The following RUNDC3A variants were observed in gnomAD, a reference collection of about 807,000 sequenced individuals.
RUNDC3A encodes RUN domain-containing protein 3A.
Under a neutral mutation model 53.9 loss-of-function variants are expected in RUNDC3A, and 28 were observed. That is an observed-to-expected ratio of 0.52 (90% CI 0.38 to 0.71). RUNDC3A has a LOEUF of 0.71. Ranked by LOEUF, RUNDC3A falls within the 30% of genes least tolerant of loss-of-function variation. The pLI is 0.00. For synonymous variants in RUNDC3A, 232 were observed against 249.4 expected (o/e 0.93, Z 0.66); for missense variants, 491 against 597.3 (o/e 0.82, Z 1.85).
In RUNDC3A at chr17:44,308,898, C is replaced by T; in HGVS notation, c.66C>T (p.Arg22=). 6.2e-7 allele frequency: 1 copy of T among 1,610,846 alleles called. No individual in the cohort carries two copies. The highest frequency in any genetic ancestry group is 8.5e-7 in the Non-Finnish European group (1 of 1,178,388). ...TGTCCTCCAAGAAAGCGTCCTCTCGCAACGTGGCTGTGGAGCGTAAGAACC... is the reference window on the plus strand; with the variant it reads ...TGTCCTCCAAGAAAGCGTCCTCTCGTAACGTGGCTGTGGAGCGTAAGAACC... ...LGLSSKKASS[R]NVAVERKNLI... is the part of the protein sequence containing the mutation. The change falls in exon 1 of 11, where the codon CGC becomes CGT. Residue 22 remains arginine (R), a synonymous_variant. Coordinates refer to ENST00000426726, the MANE Select transcript of RUNDC3A (RefSeq NM_001144825.2).
At chr17:44,314,585 G>C (rs2047814636) in intron 4 of RUNDC3A, 150 bp from the exon 5 acceptor site, 1 of 1,451,124 alleles carries the variant, frequency 6.9e-7, no homozygotes, top group African/African-American at 1.4e-5. Context: ...GGCTGAAGGG[G>C]GAGAGAGGCT....
intron 8 of RUNDC3A, among the ~76,000 whole-genome samples, chr17:44,316,168 C>T (rs755696558): frequency 1.3e-5 from 2 of 152,078 alleles, no homozygotes; most frequent in Non-Finnish European, 2.9e-5. Context: ...CTGCACCATT[C>T]CCTCCAACTC....
At chr17:44,312,789 C>A in intron 2 of RUNDC3A, 94 bp downstream of exon 2, 1 of 622,590 alleles carries the variant, frequency 1.6e-6, no homozygotes, top group South Asian at 1.9e-5. Context: ...GGTCCCTCCC[C>A]AACTCCCAAC....
chr17:44,309,953 C>G (rs979229537), intron 1 of RUNDC3A: 11 of 152,874 alleles, frequency 7.2e-5, no homozygotes, highest in African/African-American at 2.7e-4. Flanking sequence ...GGCACGCACT[C>G]CACCACACTG....
At chr17:44,313,678 C>CTT (rs1173378367) in intron 4 of RUNDC3A, 175 bp downstream of exon 4, 10,114 of 1,061,566 alleles carry the variant, frequency 9.5e-3, no homozygotes, top group South Asian at 0.015. Context: ...AGGACGAACT[C>CTT]TTTTTTTTTT....
chr17:44,318,606 G>T lies in RUNDC3A; in HGVS notation c.*368G>T. 1 of 220,748 alleles carries T rather than the reference G, an allele frequency of 4.5e-6. No homozygotes were observed. The highest frequency in any genetic ancestry group is 9.1e-6 in the Non-Finnish European group (1 of 109,560). The allele number at this position is 220,748 out of a possible 1,614,324, so 13.7% of individuals were successfully genotyped here. On this transcript the variant is annotated 3_prime_UTR_variant, in exon 11 of 11. Coordinates refer to ENST00000426726, the MANE Select transcript of RUNDC3A (RefSeq NM_001144825.2). ...CTAGCCTCTCCATCTGTCTGTGTAT[G>T]GCCTGGAGTCACTCCTTCCTCAGCC... is the stretch of plus-strand genomic sequence containing the variant.
intron 10 of RUNDC3A, 94 bp downstream of exon 10, chr17:44,316,819 T>A: frequency 1.7e-6 from 1 of 581,128 alleles, no homozygotes; most frequent in Admixed American, 3.8e-5. Flanking sequence ...ATTCTCTTAG[T>A]CTTTTTTTTT....
chr17:44,313,925 C>T, intron 4 of RUNDC3A: 1 of 975,952 alleles, frequency 1.0e-6, no homozygotes, highest in Non-Finnish European at 1.2e-6. Context: ...CCGCCTTGGC[C>T]TCCCAAAGTG....
intron 4 of RUNDC3A, 159 bp downstream of exon 4, chr17:44,313,662 A>G: frequency 7.4e-7 from 1 of 1,355,522 alleles, no homozygotes; most frequent in South Asian, 1.8e-5. Flanking sequence ...CCTGGCCTGC[A>G]GTCCCAGGAC....
chr17:44,311,329 G>A (rs569311867), intron 1 of RUNDC3A: 67 of 985,566 alleles, frequency 6.8e-5, no homozygotes, highest in Non-Finnish European at 7.8e-5. Context: ...ACAGCTGCCA[G>A]GAGGCCACAG....
At chr17:44,316,358 A>G (rs1175623061) in intron 8 of RUNDC3A, 27 bp from the exon 9 acceptor site, 1 of 1,594,422 alleles carries the variant, frequency 6.3e-7, no homozygotes, top group African/African-American at 1.3e-5. Flanking sequence ...ACTTCCAGCC[A>G]GGCCTGACTC....
In RUNDC3A at chr17:44,308,847, T is replaced by C. The variant is rs759637335; in HGVS notation, c.15T>C (p.Phe5=). ...CGCACATCTGGATGGAAGCGAGCTT[T>C]GTCCAGACCACCATGGCTCTGGGGC... The part of the protein sequence containing the change: MEAS[F]VQTTMALGLS... Residue 5 remains phenylalanine, a synonymous_variant, in exon 1 of 11, where the codon TTT becomes TTC. Transcript: ENST00000426726. 1.2e-6 allele frequency: 2 copies of C among 1,608,350 alleles called. No homozygotes were observed. The highest frequency in any genetic ancestry group is 1.7e-6 in the Non-Finnish European group (2 of 1,177,162).
At chr17:44,317,659 C>T in intron 10 of RUNDC3A, 1 of 676,390 alleles carries the variant, frequency 1.5e-6, no homozygotes, top group Non-Finnish European at 2.7e-6. Context: ...ATTGGATGAC[C>T]CTAGATCTTC....
At chr17:44,317,744 C>A (rs1406686710) in intron 10 of RUNDC3A, 4 of 611,554 alleles carry the variant, frequency 6.5e-6, no homozygotes, top group Non-Finnish European at 1.2e-5. Context: ...CTGTCTCCCC[C>A]ACCAGACTGT....
chr17:44,312,517 C>A, intron 1 of RUNDC3A, 63 bp from the exon 2 acceptor site: 1 of 919,332 alleles, frequency 1.1e-6, no homozygotes, highest in Non-Finnish European at 1.7e-6. Flanking sequence ...CCCTGTCTCT[C>A]CCTCCATCAC....
intron 1 of RUNDC3A, 36 bp downstream of exon 1, chr17:44,308,975 A>C: frequency 1.2e-6 from 1 of 820,944 alleles, no homozygotes; most frequent in Non-Finnish European, 1.9e-6. Flanking sequence ...TGGGGTGGTG[A>C]GGGAGAGGGG....
intron 4 of RUNDC3A, chr17:44,314,180 A>C (rs1466461580): frequency 1.0e-6 from 1 of 995,536 alleles, no homozygotes; most frequent in East Asian, 1.1e-4. Context: ...CTTGCTATTC[A>C]CGGACACAGA....
At chr17:44,317,733 T>C in intron 10 of RUNDC3A, 1 of 615,640 alleles carries the variant, frequency 1.6e-6, no homozygotes, top group South Asian at 1.9e-5. Context: ...TGTCTGTGTG[T>C]CTGTCTCCCC....
chr17:44,311,427 T>G lies in RUNDC3A; in HGVS notation c.108-1153T>G, dbSNP rs2144674202. The G allele has an allele frequency of 3.6e-6, 3 of 823,724 alleles. No individual in the cohort carries two copies. The South Asian group carries it at 1.7e-4, about 46-fold the overall frequency. The allele number at this position is 823,724 out of a possible 1,614,324, so 51.0% of individuals were successfully genotyped here. Reference sequence around the variant, plus strand: ...AGCCATGTGACTCCGAACAGATCAGTCAACCTCTTGGACCATCAATTTCTT... The same window carrying G: ...AGCCATGTGACTCCGAACAGATCAGGCAACCTCTTGGACCATCAATTTCTT... On this transcript the variant is annotated intron_variant, in intron 1 of 10. Coordinates refer to ENST00000426726, the MANE Select transcript of RUNDC3A (RefSeq NM_001144825.2).
Sources: allele counts gnomAD v4.1 joint callset (sites outside exome capture counted in the v4.1 genomes callset), GRCh38; gene constraint gnomAD v4.1.1; transcripts MANE v1.5; gene names NCBI Gene and HGNC (gene_info 2026-07-23, HGNC 2026-07-21).